The following MCU variants were observed in gnomAD, a reference collection of about 807,000 sequenced individuals.
MCU encodes calcium uniporter protein, mitochondrial.
Under a neutral mutation model 45.2 loss-of-function variants are expected in MCU, and 12 were observed. The observed-to-expected ratio is 0.27, with a 90% CI of 0.17 to 0.43. The LOEUF (loss-of-function observed/expected upper bound fraction) is 0.43. MCU is among the 20% of genes least tolerant of loss of function. The pLI, the probability that MCU is intolerant of heterozygous loss-of-function variation, is 1.00. For synonymous variants in MCU, 160 were observed against 165.1 expected (o/e 0.97, Z 0.24); for missense variants, 324 against 436.7 (o/e 0.74, Z 2.30).
rs534053813 is a variant in MCU, at chr10:72,876,276, T to C, written c.861+4696T>C. Among the ~76,000 whole-genome samples, 9 of 152,302 alleles carry C rather than the reference T, an allele frequency of 5.9e-5. No individual in the cohort carries two copies. The East Asian group carries it at 1.7e-3, about 29-fold the overall frequency. The stretch of plus-strand genomic sequence containing the variant: ...ACCTTTTATTCACTCACTCACTCCT[T>C]TGACCTCATCCAGACCTTTAAGCTA... On this transcript the variant is annotated intron_variant, in intron 6 of 7. Coordinates refer to ENST00000373053, the MANE Select transcript of MCU (RefSeq NM_138357.3).
At position 72,717,965 on chromosome 10, in the gene MCU, T is replaced by C. The variant is rs189294412; in HGVS notation, c.150+25664T>C. 6.6e-4 allele frequency among the ~76,000 whole-genome samples: 100 copies of C among 152,338 alleles called. 2 individuals carry two copies. In the East Asian group the frequency reaches 0.017, roughly 26 times the overall value. On this transcript the variant is annotated intron_variant, in intron 1 of 7. Coordinates refer to ENST00000373053, the MANE Select transcript of MCU (RefSeq NM_138357.3). ...CCCATATATCCCTCACCTTCTTCTATTATTAACATTTTACATTACTTTGGT... is the reference window on the plus strand; with the variant it reads ...CCCATATATCCCTCACCTTCTTCTACTATTAACATTTTACATTACTTTGGT...
intron 1 of MCU, among the ~76,000 whole-genome samples, chr10:72,718,516 T>G (rs1030302455): frequency 3.3e-5 from 5 of 152,230 alleles, no homozygotes; most frequent in African/African-American, 9.6e-5. Flanking sequence ...TTCTGATGAA[T>G]CTATTAATCA....
chr10:72,715,736 T>C (rs1842948807), intron 1 of MCU: 1 of 262,812 alleles, frequency 3.8e-6, no homozygotes, highest in Non-Finnish European at 5.9e-6. Context: ...TTAAAGTTGC[T>C]AAAACCTGGT....
chr10:72,815,196 T>G (rs1353919489), intron 1 of MCU, among the ~76,000 whole-genome samples: 1 of 152,264 alleles, frequency 6.6e-6, no homozygotes, highest in Non-Finnish European at 1.5e-5. Flanking sequence ...CTGCCTCTTA[T>G]AGTACAGGAG....
chr10:72,844,199 CA>C (rs1181947688), intron 2 of MCU, among the ~76,000 whole-genome samples: 1 of 152,074 alleles, frequency 6.6e-6, no homozygotes, highest in Non-Finnish European at 1.5e-5. Context: ...CCAGCCTGGC[CA>C]ACATGGCAAA....
At chr10:72,734,495 C>T (rs1379615412) in intron 1 of MCU, among the ~76,000 whole-genome samples, 4 of 152,064 alleles carry the variant, frequency 2.6e-5, no homozygotes, top group African/African-American at 9.7e-5. Context: ...ATATGTGGCT[C>T]ACATATTCCG....
chr10:72,868,329 G>A (rs1321546836), intron 4 of MCU, among the ~76,000 whole-genome samples: 4 of 152,066 alleles, frequency 2.6e-5, no homozygotes, highest in Admixed American at 2.0e-4. Flanking sequence ...CAGGCAGATC[G>A]CTTGAGCCCG....
chr10:72,812,144 CT>C (rs771084631), intron 1 of MCU, among the ~76,000 whole-genome samples: 2 of 149,968 alleles, frequency 1.3e-5, no homozygotes, highest in Non-Finnish European at 3.0e-5. Context: ...GGTTTCTTTT[CT>C]TTTTGTTTTT....
intron 2 of MCU, among the ~76,000 whole-genome samples, chr10:72,851,931 G>A (rs889220033): frequency 1.3e-5 from 2 of 152,192 alleles, no homozygotes; most frequent in African/African-American, 4.8e-5. Flanking sequence ...AAGGAAATAT[G>A]GGGTTGGTTA....
intron 5 of MCU, among the ~76,000 whole-genome samples, chr10:72,869,604 A>C (rs58100956): frequency 0.087 from 13,257 of 152,198 alleles, 1,932 homozygotes; most frequent in African/African-American, 0.3. Context: ...ACAAACAAAA[A>C]AACAACAACA....
At chr10:72,841,176 T>C (rs1352274599) in intron 2 of MCU, among the ~76,000 whole-genome samples, 1 of 152,182 alleles carries the variant, frequency 6.6e-6, no homozygotes, top group African/African-American at 2.4e-5. Flanking sequence ...ACATGCATGT[T>C]GACACAATTA....
At chr10:72,728,813 G>A (rs1843133675) in intron 1 of MCU, among the ~76,000 whole-genome samples, 1 of 152,178 alleles carries the variant, frequency 6.6e-6, no homozygotes, top group Admixed American at 6.5e-5. Context: ...GGATAAGAAA[G>A]GCATTCCTGT....
At position 72,832,852 on chromosome 10, in the gene MCU, C is replaced by G. The variant is rs192269350; in HGVS notation, c.151-1507C>G. On this transcript the variant is annotated intron_variant, in intron 1 of 7. Coordinates refer to ENST00000373053, the MANE Select transcript of MCU (RefSeq NM_138357.3). ...AAGAGTTGCAGTTAAAGTTACTGAACCACAAAATGAACTCAGGCAAGATTA... is the reference window on the plus strand; with the variant it reads ...AAGAGTTGCAGTTAAAGTTACTGAAGCACAAAATGAACTCAGGCAAGATTA... 9.2e-4 allele frequency among the ~76,000 whole-genome samples: 140 copies of G among 151,466 alleles called. 1 individual carries two copies. The highest frequency in any genetic ancestry group is 1.3e-4 in the Non-Finnish European group (9 of 67,912).
intron 1 of MCU, among the ~76,000 whole-genome samples, chr10:72,742,721 C>T (rs2132699282): frequency 6.6e-6 from 1 of 152,098 alleles, no homozygotes; most frequent in Middle Eastern, 3.4e-3. Flanking sequence ...AGTATGTGGC[C>T]CATGGGCAGG....
At chr10:72,749,925 T>C (rs1843470265) in intron 1 of MCU, among the ~76,000 whole-genome samples, 1 of 150,930 alleles carries the variant, frequency 6.6e-6, no homozygotes, top group Non-Finnish European at 1.5e-5. Context: ...TGCTACCATG[T>C]CCAGCTAATT....
At chr10:72,764,054 T>C (rs1843693041) in intron 1 of MCU, among the ~76,000 whole-genome samples, 3 of 152,172 alleles carry the variant, frequency 2.0e-5, no homozygotes, top group Non-Finnish European at 4.4e-5. Flanking sequence ...GGTTGAACTG[T>C]TATATTTTCC....
chr10:72,812,028 T>C (rs1844551319), intron 1 of MCU, among the ~76,000 whole-genome samples: 2 of 152,154 alleles, frequency 1.3e-5, no homozygotes, highest in Admixed American at 1.3e-4. Context: ...TTTCCTATAT[T>C]GAATGTATTT....
At chr10:72,750,045 G>A (rs1345922978) in intron 1 of MCU, among the ~76,000 whole-genome samples, 1 of 151,266 alleles carries the variant, frequency 6.6e-6, no homozygotes, top group Non-Finnish European at 1.5e-5. Context: ...TTGGCCTCCC[G>A]AAGTGCTGGG....
chr10:72,784,188 C>T (rs1241969680), intron 1 of MCU, among the ~76,000 whole-genome samples: 1 of 152,144 alleles, frequency 6.6e-6, no homozygotes, highest in Admixed American at 6.5e-5. Context: ...TTCTTCTGCT[C>T]CCTCTTGAGA....
Sources: allele counts gnomAD v4.1 joint callset (sites outside exome capture counted in the v4.1 genomes callset), GRCh38; gene constraint gnomAD v4.1.1; transcripts MANE v1.5; gene names NCBI Gene and HGNC (gene_info 2026-07-23, HGNC 2026-07-21).